Variants in CRB1 observed in about 807,000 individuals in gnomAD.
CRB1 encodes protein crumbs homolog 1.
A neutral mutation model predicts 120.0 loss-of-function variants in CRB1; 83 were observed. That is an observed-to-expected ratio of 0.69 (90% CI 0.58 to 0.83). The LOEUF (loss-of-function observed/expected upper bound fraction) is 0.83. CRB1 is among the 40% of genes least tolerant of loss of function. CRB1 has a pLI of 0.00. For synonymous variants in CRB1, 625 were observed against 612.5 expected, an observed-to-expected ratio of 1.02 and a Z score of -0.30; for missense variants, 1,699 against 1,687.6, an observed-to-expected ratio of 1.01 and a Z score of -0.12.
At chr1:197,264,612 TC>T (rs1313526534), upstream of CRB1, among the ~76,000 whole-genome samples, 1 of 150,390 alleles carries the variant, frequency 6.6e-6, no homozygotes, top group African/African-American at 2.5e-5. Flanking sequence ...AGTGCATTCT[TC>T]TTTTTTTTTT....
At chr1:197,442,393 A>G (rs959510448) in intron 11 of CRB1, 101 bp downstream of exon 11, 10 of 1,606,278 alleles carry the variant, frequency 6.2e-6, no homozygotes, top group African/African-American at 2.7e-5. Flanking sequence ...CCAGTTGTTG[A>G]GTGGGGTGAA....
At chr1:197,453,303 GTATA>G (rs941425271) in intron 11 of CRB1, among the ~76,000 whole-genome samples, 3 of 23,486 alleles carry the variant, frequency 1.3e-4, no homozygotes, top group Non-Finnish European at 9.0e-4. Flanking sequence ...TAGTATATAA[GTATA>G]TATATTTATA....
the CRB1 span, among the ~76,000 whole-genome samples, chr1:197,260,782 C>T: frequency 2.0e-5 from 3 of 151,918 alleles, no homozygotes; most frequent in African/African-American, 2.4e-5. Context: ...CTGCAACCTC[C>T]GCCTCCCAGG....
At chr1:197,239,090 T>C in the CRB1 span, among the ~76,000 whole-genome samples, 5 of 152,092 alleles carry the variant, frequency 3.3e-5, no homozygotes, top group African/African-American at 1.2e-4. Context: ...AAGCTCTATA[T>C]AATTTTAATT....
rs560905815 is a variant in CRB1 at position 197,341,426 on chromosome 1, T to G, written c.653-2855T>G. Among the ~76,000 whole-genome samples the G allele has an allele frequency of 1.2e-4, 18 of 151,974 alleles. No individual in the cohort carries two copies. In the East Asian group the frequency reaches 3.3e-3, roughly 28 times the overall value. On this transcript the variant is annotated intron_variant, in intron 2 of 11. Transcript: ENST00000367400. Reference sequence around the variant, plus strand: ...AGCATGATGGCATGCGCCTGTAGTCTCAGCTACTTGGAAGGCTGAGGCATG... The same window carrying G: ...AGCATGATGGCATGCGCCTGTAGTCGCAGCTACTTGGAAGGCTGAGGCATG...
At chr1:197,366,882 T>TA (rs1335036384) in intron 5 of CRB1, among the ~76,000 whole-genome samples, 2 of 152,222 alleles carry the variant, frequency 1.3e-5, no homozygotes, top group East Asian at 3.8e-4. Flanking sequence ...CTAGAGGCAG[T>TA]AGTGGTTACT....
intron 1 of CRB1, among the ~76,000 whole-genome samples, chr1:197,303,496 C>G (rs1411057046): frequency 6.6e-6 from 1 of 151,784 alleles, no homozygotes; most frequent in African/African-American, 2.4e-5. Flanking sequence ...AATAATTGTA[C>G]CATCAGATGA....
the CRB1 span, among the ~76,000 whole-genome samples, chr1:197,209,535 A>T: frequency 6.6e-6 from 1 of 152,134 alleles, no homozygotes; most frequent in East Asian, 1.9e-4. Context: ...TTTAGTAAGG[A>T]CAGGGTTTCC....
chr1:197,327,245 C>T (rs961797468), intron 1 of CRB1, among the ~76,000 whole-genome samples: 1 of 151,690 alleles, frequency 6.6e-6, no homozygotes, highest in Non-Finnish European at 1.5e-5. Flanking sequence ...ATAGAAAAGT[C>T]AATGAAAAGA....
chr1:197,346,860 A>G (rs1659805124), intron 3 of CRB1, among the ~76,000 whole-genome samples: 1 of 152,186 alleles, frequency 6.6e-6, no homozygotes, highest in African/African-American at 2.4e-5. Context: ...GTTTTTCATA[A>G]TTTATGGTTT....
chr1:197,281,701 C>T (rs1655530734), intron 1 of CRB1, among the ~76,000 whole-genome samples: 1 of 151,838 alleles, frequency 6.6e-6, no homozygotes, highest in Admixed American at 6.6e-5. Flanking sequence ...GGAACATTAA[C>T]TTATTGTTTA....
intron 5 of CRB1, among the ~76,000 whole-genome samples, chr1:197,386,541 T>C (rs1428930351): frequency 6.6e-6 from 1 of 152,174 alleles, no homozygotes; most frequent in East Asian, 1.9e-4. Context: ...CCCAGAACTT[T>C]GATTTAAAAA....
intron 5 of CRB1, among the ~76,000 whole-genome samples, chr1:197,416,634 C>T (rs867304467): frequency 6.6e-6 from 1 of 152,146 alleles, no homozygotes; most frequent in Non-Finnish European, 1.5e-5. Flanking sequence ...AATAAAAACA[C>T]AAGATGTTAA....
At chr1:197,268,006 T>C (rs1021812013), upstream of CRB1, among the ~76,000 whole-genome samples, 1 of 152,196 alleles carries the variant, frequency 6.6e-6, no homozygotes, top group Non-Finnish European at 1.5e-5. Flanking sequence ...CCTTTAAAAG[T>C]TGCCAGATCA....
At chr1:197,378,219 G>A (rs747931011) in intron 5 of CRB1, among the ~76,000 whole-genome samples, 21 of 152,164 alleles carry the variant, frequency 1.4e-4, no homozygotes, top group Non-Finnish European at 2.5e-4. Context: ...AATTCTTCAA[G>A]TATCAAACAA....
At chr1:197,348,366 A>G (rs1481931073) in intron 4 of CRB1, among the ~76,000 whole-genome samples, 1 of 152,220 alleles carries the variant, frequency 6.6e-6, no homozygotes, top group Non-Finnish European at 1.5e-5. Flanking sequence ...TCCTGACTCC[A>G]TGTAGGCCTA....
intron 2 of CRB1, among the ~76,000 whole-genome samples, chr1:197,330,500 C>T (rs1658783874): frequency 6.6e-6 from 1 of 152,132 alleles, no homozygotes; most frequent in African/African-American, 2.4e-5. Context: ...CACATTCCAC[C>T]GAAGCCTTCT....
the CRB1 span, among the ~76,000 whole-genome samples, chr1:197,252,574 ATATATATATGTGTGTGTGTG>A: frequency 6.2e-4 from 26 of 41,814 alleles, no homozygotes; most frequent in South Asian, 4.9e-3. Flanking sequence ...ATATATATAT[ATATATATATGTGTGTGTGTG>A]TGTGTGTGTG....
At chr1:197,472,333 A>T (rs535248370) in intron 11 of CRB1, among the ~76,000 whole-genome samples, 4 of 152,306 alleles carry the variant, frequency 2.6e-5, no homozygotes, top group Middle Eastern at 6.8e-3. Context: ...AACCCCAAAT[A>T]TTGCCTTCAT....
Sources: gnomAD v4.1 joint callset for allele counts (sites outside exome capture counted in the v4.1 genomes callset) on GRCh38, gnomAD v4.1.1 for gene constraint, MANE v1.5 for transcripts, NCBI Gene and HGNC (gene_info 2026-07-23, HGNC 2026-07-21) for gene names.